The following NCAM2 variants were observed in gnomAD, a reference collection of about 807,000 sequenced individuals.
The protein encoded by NCAM2 is N-CAM-2.
Under a neutral mutation model 98.1 loss-of-function variants are expected in NCAM2, and 30 were observed. The observed-to-expected ratio is 0.31, with a 90% CI of 0.23 to 0.41. The LOEUF (loss-of-function observed/expected upper bound fraction) is 0.41. Among genes scored for constraint, NCAM2 ranks in the 10% least tolerant of loss-of-function variants. The pLI, the probability that NCAM2 is intolerant of heterozygous loss-of-function variation, is 1.00. For synonymous variants in NCAM2, 368 were observed against 342.4 expected, an observed-to-expected ratio of 1.07 and a Z score of -0.83; for missense variants, 867 against 1,005.8, an observed-to-expected ratio of 0.86 and a Z score of 1.87.
intron 1 of NCAM2, among the ~76,000 whole-genome samples, chr21:21,129,049 C>T (rs770067403): frequency 6.6e-5 from 10 of 152,058 alleles, no homozygotes; most frequent in Admixed American, 2.0e-4. Flanking sequence ...ATTTTATGAA[C>T]TGCTTATTAA....
At chr21:21,117,049 C>T (rs1404167821) in intron 1 of NCAM2, among the ~76,000 whole-genome samples, 1 of 152,040 alleles carries the variant, frequency 6.6e-6, no homozygotes, top group East Asian at 1.9e-4. Flanking sequence ...ATTCAGTGTA[C>T]AATATGATGA....
chr21:21,102,083 AGT>A (rs1319786085), intron 1 of NCAM2, among the ~76,000 whole-genome samples: 1 of 151,966 alleles, frequency 6.6e-6, no homozygotes, highest in Non-Finnish European at 1.5e-5. Flanking sequence ...TGTCTTCCTG[AGT>A]GTCTGAGTGC....
chr21:21,501,432 A>T (rs1334771455), intron 15 of NCAM2, among the ~76,000 whole-genome samples: 1 of 151,970 alleles, frequency 6.6e-6, no homozygotes, highest in Non-Finnish European at 1.5e-5. Context: ...AATTCAATGG[A>T]TGAAATTATA....
intron 5 of NCAM2, among the ~76,000 whole-genome samples, chr21:21,311,685 T>A (rs1196374477): frequency 6.6e-6 from 1 of 152,126 alleles, no homozygotes; most frequent in Non-Finnish European, 1.5e-5. Context: ...TTGTTTCCGT[T>A]ATCAGATCCT....
At chr21:21,021,399 TC>T (rs1349176379) in intron 1 of NCAM2, among the ~76,000 whole-genome samples, 1 of 152,158 alleles carries the variant, frequency 6.6e-6, no homozygotes. Context: ...GCAGACCTCA[TC>T]AAGCAATGGG....
At chr21:21,341,555 A>G (rs927573050) in intron 8 of NCAM2, among the ~76,000 whole-genome samples, 2 of 152,186 alleles carry the variant, frequency 1.3e-5, no homozygotes, top group African/African-American at 4.8e-5. Context: ...TCAAGTTTTG[A>G]TGAAACTAAA....
chr21:21,394,762 C>T (rs1199359887), intron 9 of NCAM2, among the ~76,000 whole-genome samples: 1 of 151,920 alleles, frequency 6.6e-6, no homozygotes, highest in African/African-American at 2.4e-5. Flanking sequence ...GCTGGGCCAG[C>T]TTCTTTACAA....
chr21:21,262,987 C>T (rs568786667), intron 1 of NCAM2, among the ~76,000 whole-genome samples: 1 of 152,022 alleles, frequency 6.6e-6, no homozygotes, highest in Non-Finnish European at 1.5e-5. Context: ...TACCTCCCAC[C>T]GGGTCACTCC....
intron 1 of NCAM2, among the ~76,000 whole-genome samples, chr21:21,123,847 G>GTTTTTT (rs1569047303): frequency 1.4e-4 from 2 of 14,814 alleles, no homozygotes; most frequent in Non-Finnish European, 1.6e-4. Flanking sequence ...ATTCTTGATT[G>GTTTTTT]CTTTTTTTTT....
At chr21:21,002,449 A>G (rs1465444582) in intron 1 of NCAM2, among the ~76,000 whole-genome samples, 2 of 152,138 alleles carry the variant, frequency 1.3e-5, no homozygotes, top group African/African-American at 2.4e-5. Context: ...CTAGTTTGCA[A>G]TGAAACTGAG....
chr21:21,279,666 C>T (rs1297485047), intron 1 of NCAM2, among the ~76,000 whole-genome samples: 5 of 152,204 alleles, frequency 3.3e-5, no homozygotes, highest in African/African-American at 1.2e-4. Context: ...CTATCACAGC[C>T]TGTTGTTCTG....
intron 1 of NCAM2, among the ~76,000 whole-genome samples, chr21:21,204,623 TCCC>T (rs2069365316): frequency 6.6e-6 from 1 of 152,130 alleles, no homozygotes; most frequent in Non-Finnish European, 1.5e-5. Context: ...TTAACACAGA[TCCC>T]TTAGTTTCTA....
At chr21:21,394,833 TC>T (rs2076467615) in intron 9 of NCAM2, among the ~76,000 whole-genome samples, 1 of 152,232 alleles carries the variant, frequency 6.6e-6, no homozygotes, top group Admixed American at 6.5e-5. Flanking sequence ...TGGATTGAAG[TC>T]CAAATTTCTG....
chr21:21,321,524 T>A (rs1158285123), intron 5 of NCAM2, among the ~76,000 whole-genome samples: 2 of 152,192 alleles, frequency 1.3e-5, no homozygotes, highest in East Asian at 1.9e-4. Context: ...TAAGTTTTTT[T>A]TATATATACT....
intron 1 of NCAM2, among the ~76,000 whole-genome samples, chr21:21,073,119 G>A (rs7279044): frequency 0.037 from 5,644 of 152,104 alleles, 327 homozygotes; most frequent in African/African-American, 0.13. Flanking sequence ...AATGACTTGA[G>A]GGTTCATTCA....
intron 7 of NCAM2, among the ~76,000 whole-genome samples, chr21:21,337,541 A>G (rs1397529866): frequency 5.9e-5 from 9 of 152,056 alleles, no homozygotes; most frequent in East Asian, 1.9e-4. Context: ...ATTAAAATAT[A>G]TAAAAAGTAA....
intron 1 of NCAM2, among the ~76,000 whole-genome samples, chr21:21,273,568 T>G (rs991822638): frequency 2.6e-5 from 4 of 152,080 alleles, no homozygotes; most frequent in African/African-American, 9.7e-5. Flanking sequence ...ATTATTGGGT[T>G]GGAAAATGAG....
At chr21:21,058,507 TAAAAA>T (rs1568977246) in intron 1 of NCAM2, among the ~76,000 whole-genome samples, 1 of 152,056 alleles carries the variant, frequency 6.6e-6, no homozygotes. Flanking sequence ...CAAGGAAAAA[TAAAAA>T]GAAACATGTA....
intron 9 of NCAM2, among the ~76,000 whole-genome samples, chr21:21,409,678 T>A (rs2076817641): frequency 6.6e-6 from 1 of 152,214 alleles, no homozygotes. Flanking sequence ...TTTGTCAGAT[T>A]AGTAAGAGCA....
Sources: gnomAD v4.1 joint callset for allele counts (sites outside exome capture counted in the v4.1 genomes callset) on GRCh38, gnomAD v4.1.1 for gene constraint, MANE v1.5 for transcripts, NCBI Gene and HGNC (gene_info 2026-07-23, HGNC 2026-07-21) for gene names.